Variants in ARHGAP15 observed in about 807,000 individuals in gnomAD.
ARHGAP15 encodes rho GTPase-activating protein 15.
In ARHGAP15, 51 loss-of-function variants were observed where a neutral mutation model predicts 63.7. The observed-to-expected ratio is 0.80, with a 90% CI of 0.64 to 1.01. The LOEUF (loss-of-function observed/expected upper bound fraction) is 1.01. Among genes scored for constraint, ARHGAP15 ranks in the 50% least tolerant of loss-of-function variants. The probability of loss-of-function intolerance (pLI) is 0.00; values close to 1 mark genes in which losing one functional copy is unlikely to be tolerated. For missense variants in ARHGAP15, 560 were observed against 564.6 expected (o/e 0.99, Z 0.08); for synonymous variants, 191 against 193.8 (o/e 0.99, Z 0.12).
intron 6 of ARHGAP15, among the ~76,000 whole-genome samples, chr2:143,366,952 A>G (rs751131804): frequency 5.3e-5 from 8 of 152,036 alleles, no homozygotes; most frequent in Non-Finnish European, 1.2e-4. Context: ...TATCTTAAAG[A>G]TATTTTTCAA....
intron 11 of ARHGAP15, among the ~76,000 whole-genome samples, chr2:143,616,702 G>T (rs918638578): frequency 6.6e-6 from 1 of 152,132 alleles, no homozygotes; most frequent in African/African-American, 2.4e-5. Context: ...TCTATTCTAC[G>T]CACAGGTCTG....
intron 6 of ARHGAP15, among the ~76,000 whole-genome samples, chr2:143,423,367 C>T (rs1214582977): frequency 6.6e-6 from 1 of 152,046 alleles, no homozygotes; most frequent in Non-Finnish European, 1.5e-5. Flanking sequence ...ATAAGCCTTT[C>T]ATTATGTGGA....
rs561801598 is a variant in ARHGAP15, at chr2:143,175,586, C to T, written c.165+19931C>T. 2.6e-4 allele frequency among the ~76,000 whole-genome samples: 39 copies of T among 152,232 alleles called. 1 individual carries two copies. The highest frequency in any genetic ancestry group is 7.7e-4 in the East Asian group (4 of 5,174). On this transcript the variant is annotated intron_variant, in intron 2 of 13. Coordinates refer to ENST00000295095, the MANE Select transcript of ARHGAP15 (RefSeq NM_018460.4). ...TTTCTATGGGTGTGGAGCAGGTATC[C>T]GCATAGCACAGTGAAGAAAAGTAGT... is the stretch of plus-strand genomic sequence containing the variant.
intron 6 of ARHGAP15, among the ~76,000 whole-genome samples, chr2:143,417,468 CTG>C (rs2105042014): frequency 6.6e-6 from 1 of 152,256 alleles, no homozygotes; most frequent in African/African-American, 2.4e-5. Flanking sequence ...CTGTACTTGT[CTG>C]TACTTAATAT....
intron 13 of ARHGAP15, among the ~76,000 whole-genome samples, chr2:143,727,089 C>A (rs1385438924): frequency 2.6e-5 from 4 of 152,172 alleles, no homozygotes. Flanking sequence ...CAAAGCTTTG[C>A]CTTCCAACTC....
chr2:143,156,721 A>G (rs1690093814), intron 2 of ARHGAP15, among the ~76,000 whole-genome samples: 1 of 151,962 alleles, frequency 6.6e-6, no homozygotes, highest in Non-Finnish European at 1.5e-5. Context: ...ATTTAGCATG[A>G]GGAAGCCAGT....
At chr2:143,541,980 G>A (rs1010617903) in intron 10 of ARHGAP15, among the ~76,000 whole-genome samples, 2 of 152,230 alleles carry the variant, frequency 1.3e-5, no homozygotes, top group African/African-American at 2.4e-5. Context: ...CAGAGGTGGA[G>A]CCTACAGAGG....
chr2:143,335,421 T>C (rs1319355145), intron 6 of ARHGAP15, among the ~76,000 whole-genome samples: 2 of 152,080 alleles, frequency 1.3e-5, no homozygotes, highest in Non-Finnish European at 2.9e-5. Context: ...AGCGGCTGAT[T>C]AGACTAATCA....
intron 8 of ARHGAP15, among the ~76,000 whole-genome samples, chr2:143,483,133 T>C (rs1692153556): frequency 6.6e-6 from 1 of 152,206 alleles, no homozygotes; most frequent in Non-Finnish European, 1.5e-5. Flanking sequence ...TTCATTTTCT[T>C]TGAAAAACCA....
chr2:143,426,173 T>C (rs1167590094), intron 6 of ARHGAP15, among the ~76,000 whole-genome samples: 1 of 152,120 alleles, frequency 6.6e-6, no homozygotes, highest in African/African-American at 2.4e-5. Flanking sequence ...TCTGAGAAAA[T>C]AGTTATAAAT....
chr2:143,543,339 T>G (rs916028893), intron 10 of ARHGAP15, among the ~76,000 whole-genome samples: 1 of 152,214 alleles, frequency 6.6e-6, no homozygotes, highest in Admixed American at 6.5e-5. Flanking sequence ...CATTTGTATG[T>G]CTTTTTTTGA....
chr2:143,262,535 A>ATTTTTTTTTTTTTTTTT (rs67267617), intron 6 of ARHGAP15, among the ~76,000 whole-genome samples: 22 of 90,918 alleles, frequency 2.4e-4, no homozygotes, highest in Middle Eastern at 8.6e-3. Flanking sequence ...TGAACCTTTG[A>ATTTTTTTTTTTTTTTTT]TTTTTTTTTT....
At chr2:143,251,870 G>A (rs534557567) in intron 6 of ARHGAP15, among the ~76,000 whole-genome samples, 3 of 152,038 alleles carry the variant, frequency 2.0e-5, no homozygotes, top group South Asian at 4.1e-4. Context: ...TTCAAAGGGA[G>A]GAACTATAGA....
At chr2:143,527,703 C>G (rs1380625485) in intron 10 of ARHGAP15, among the ~76,000 whole-genome samples, 1 of 152,020 alleles carries the variant, frequency 6.6e-6, no homozygotes, top group African/African-American at 2.4e-5. Flanking sequence ...ATATTAAGTA[C>G]ATGATGTGCT....
intron 11 of ARHGAP15, among the ~76,000 whole-genome samples, chr2:143,611,503 G>C (rs1698252835): frequency 6.6e-6 from 1 of 152,170 alleles, no homozygotes. Flanking sequence ...AGATCATGCA[G>C]ATAAAGTACC....
chr2:143,271,154 A>T (rs1681260150), intron 6 of ARHGAP15, among the ~76,000 whole-genome samples: 1 of 152,108 alleles, frequency 6.6e-6, no homozygotes, highest in African/African-American at 2.4e-5. Context: ...TCTTTCTTTA[A>T]TAAAGATTTT....
chr2:143,407,712 C>T (rs1161967810), intron 6 of ARHGAP15, among the ~76,000 whole-genome samples: 3 of 151,458 alleles, frequency 2.0e-5, no homozygotes, highest in Non-Finnish European at 4.4e-5. Flanking sequence ...GTATTTTACC[C>T]TACCTGTCAT....
intron 8 of ARHGAP15, among the ~76,000 whole-genome samples, chr2:143,450,698 C>T (rs1386829592): frequency 6.6e-6 from 1 of 151,802 alleles, no homozygotes; most frequent in African/African-American, 2.4e-5. Context: ...AGGAACTTCA[C>T]AGGTTCTAAA....
intron 8 of ARHGAP15, among the ~76,000 whole-genome samples, chr2:143,467,706 A>G (rs1691299511): frequency 6.6e-6 from 1 of 152,124 alleles, no homozygotes; most frequent in Non-Finnish European, 1.5e-5. Context: ...TATAGATCTT[A>G]TAGACACAAC....
Sources: gnomAD v4.1 joint callset for allele counts (sites outside exome capture counted in the v4.1 genomes callset) on GRCh38, gnomAD v4.1.1 for gene constraint, MANE v1.5 for transcripts, NCBI Gene and HGNC (gene_info 2026-07-23, HGNC 2026-07-21) for gene names.